The following NALF1 variants were observed in gnomAD, a reference collection of about 807,000 sequenced individuals.
NALF1 encodes the protein family with sequence similarity 155 member A.
In NALF1, 3 loss-of-function variants were observed where a neutral mutation model predicts 48.4. That is an observed-to-expected ratio of 0.06 (90% CI 0.03 to 0.16). The LOEUF is 0.16. Ranked by LOEUF, NALF1 falls within the 10% of genes least tolerant of loss-of-function variation. The probability of loss-of-function intolerance (pLI) is 1.00; values close to 1 mark genes in which losing one functional copy is unlikely to be tolerated. For missense variants in NALF1, 526 were observed against 571.5 expected (o/e 0.92, Z 0.81); for synonymous variants, 262 against 245.7 (o/e 1.07, Z -0.62).
chr13:107,571,340 GGA>G (rs1440350480), intron 1 of NALF1, among the ~76,000 whole-genome samples: 1 of 152,126 alleles, frequency 6.6e-6, no homozygotes, highest in Non-Finnish European at 1.5e-5. Flanking sequence ...GGACCTCTGG[GGA>G]GAGGAGAGGG....
chr13:107,523,346 A>G (rs1490952123), intron 1 of NALF1, among the ~76,000 whole-genome samples: 1 of 152,172 alleles, frequency 6.6e-6, no homozygotes, highest in East Asian at 1.9e-4. Flanking sequence ...GCCCTTGTGC[A>G]CCACTGCACA....
At chr13:107,183,145 TAC>T (rs963851019) in intron 2 of NALF1, among the ~76,000 whole-genome samples, 7 of 152,194 alleles carry the variant, frequency 4.6e-5, no homozygotes, top group African/African-American at 9.6e-5. Context: ...ATATCCGCCA[TAC>T]AGCAGGGAAG....
At chr13:107,457,233 T>C (rs1770081419) in intron 1 of NALF1, among the ~76,000 whole-genome samples, 1 of 152,220 alleles carries the variant, frequency 6.6e-6, no homozygotes, top group African/African-American at 2.4e-5. Context: ...GTAATAGCAT[T>C]GTCAGGAGAC....
chr13:107,551,616 G>C (rs1877297120), intron 1 of NALF1, among the ~76,000 whole-genome samples: 1 of 152,006 alleles, frequency 6.6e-6, no homozygotes. Context: ...ATTGACGGTT[G>C]GGAAGCTGTC....
intron 2 of NALF1, among the ~76,000 whole-genome samples, chr13:107,201,687 T>C (rs190162913): frequency 6.6e-6 from 1 of 152,326 alleles, no homozygotes; most frequent in East Asian, 1.9e-4. Flanking sequence ...ATTGAAATTA[T>C]TTTCATTTCC....
intron 1 of NALF1, among the ~76,000 whole-genome samples, chr13:107,280,141 G>A (rs2138871872): frequency 6.6e-6 from 1 of 152,288 alleles, no homozygotes; most frequent in East Asian, 1.9e-4. Flanking sequence ...CAGATAGACT[G>A]AACTATCACA....
chr13:107,823,325 C>T (rs373095411), intron 1 of NALF1, among the ~76,000 whole-genome samples: 1 of 152,182 alleles, frequency 6.6e-6, no homozygotes, highest in Admixed American at 6.5e-5. Flanking sequence ...GCTCACACTA[C>T]CATCCTCTCT....
At position 107,169,898 on chromosome 13, in the gene NALF1, C is replaced by T. The variant is rs2769914; in HGVS notation, c.*599G>A. ...GAAGAGGGCGAGGGAAAGGAAAGGC[C>T]GGGAAGGGTGTTGTTGGTTCTGTGG... On this transcript the variant is annotated 3_prime_UTR_variant, in exon 3 of 3. Coordinates refer to ENST00000375915, the MANE Select transcript of NALF1 (RefSeq NM_001080396.3). 0.46 allele frequency: 70,700 copies of T among 152,450 alleles called. 16,541 individuals carry two copies. The highest frequency in any genetic ancestry group is 0.55 in the Middle Eastern group (161 of 294). 9.4% of individuals were successfully genotyped at this position (152,450 alleles called of 1,614,324 possible). A position where few individuals can be genotyped will look rare whatever the true frequency, so the allele number is the denominator to read the frequency against.
chr13:107,258,663 C>G (rs576040755), intron 1 of NALF1, among the ~76,000 whole-genome samples: 1 of 152,122 alleles, frequency 6.6e-6, no homozygotes, highest in Non-Finnish European at 1.5e-5. Context: ...GATCTTGGCA[C>G]TAACGACATT....
intron 1 of NALF1, among the ~76,000 whole-genome samples, chr13:107,514,305 T>C (rs546266318): frequency 6.6e-6 from 1 of 152,322 alleles, no homozygotes; most frequent in Non-Finnish European, 1.5e-5. Context: ...ACAATTACTT[T>C]CCTACAGGTC....
Position 107,210,758 on chromosome 13 carries a change from G to GA in NALF1, c.916-4dup, listed in dbSNP as rs748881231. ...CAGAGCCAGGCTTTGTAGACAATCTGAAAAAAAGAGAAGAATGAAAAATAT... is the reference window on the plus strand; with the variant it reads ...CAGAGCCAGGCTTTGTAGACAATCTGAAAAAAAAGAGAAGAATGAAAAATAT... On this transcript the variant is annotated splice_region_variant and splice_polypyrimidine_tract_variant and intron_variant, in intron 1 of 2. Transcript: ENST00000375915. 1.1e-5 allele frequency: 17 copies of GA among 1,603,582 alleles called. No individual in the cohort carries two copies. Among genetic ancestry groups the GA allele is most frequent in the African/African-American group, 4.0e-5 (3 of 74,448 alleles).
chr13:107,177,220 C>T (rs945522987), intron 2 of NALF1, among the ~76,000 whole-genome samples: 3 of 151,842 alleles, frequency 2.0e-5, no homozygotes, highest in Non-Finnish European at 4.4e-5. Context: ...AAAGAGGACA[C>T]AAAAAAATGG....
chr13:107,370,400 T>C (rs1883229477), intron 1 of NALF1, among the ~76,000 whole-genome samples: 1 of 152,170 alleles, frequency 6.6e-6, no homozygotes, highest in Admixed American at 6.5e-5. Flanking sequence ...TATCACCCTG[T>C]GTTCTAAAAC....
intron 1 of NALF1, among the ~76,000 whole-genome samples, chr13:107,748,459 A>C (rs775916319): frequency 2.0e-5 from 3 of 152,222 alleles, no homozygotes; most frequent in Non-Finnish European, 2.9e-5. Flanking sequence ...GTTTTGCTAC[A>C]TGTATAGTAT....
chr13:107,805,708 C>A (rs986777385), intron 1 of NALF1, among the ~76,000 whole-genome samples: 2 of 152,126 alleles, frequency 1.3e-5, no homozygotes, highest in Admixed American at 6.5e-5. Context: ...CTTCAATTAG[C>A]GATCACAGGA....
At chr13:107,280,173 T>C (rs1382026482) in intron 1 of NALF1, among the ~76,000 whole-genome samples, 1 of 152,242 alleles carries the variant, frequency 6.6e-6, no homozygotes, top group Non-Finnish European at 1.5e-5. Context: ...GTACTTTTTA[T>C]GTCTGAACAT....
intron 1 of NALF1, among the ~76,000 whole-genome samples, chr13:107,633,721 GTATATA>G (rs71121539): frequency 0.58 from 84,409 of 145,746 alleles, 26,699 homozygotes; most frequent in East Asian, 0.99. Flanking sequence ...ATATGTGTGT[GTATATA>G]TATATATATA....
intron 1 of NALF1, among the ~76,000 whole-genome samples, chr13:107,803,220 C>T (rs1878674766): frequency 6.6e-6 from 1 of 152,042 alleles, no homozygotes; most frequent in Admixed American, 6.6e-5. Context: ...AACAAATGGC[C>T]TAGAAAACCT....
intron 2 of NALF1, among the ~76,000 whole-genome samples, chr13:107,171,352 C>A (rs112599130): frequency 6.2e-4 from 94 of 152,288 alleles, no homozygotes; most frequent in African/African-American, 2.0e-3. Flanking sequence ...CTAAACATTT[C>A]TCTTATTTTT....
Sources: gnomAD v4.1 joint callset for allele counts (sites outside exome capture counted in the v4.1 genomes callset) on GRCh38, gnomAD v4.1.1 for gene constraint, MANE v1.5 for transcripts, NCBI Gene and HGNC (gene_info 2026-07-23, HGNC 2026-07-21) for gene names.